Variants in RASAL1 observed in about 807,000 individuals in gnomAD.
The protein encoded by RASAL1 is rasGAP-activating-like protein 1.
In RASAL1, 72 loss-of-function variants were observed where a neutral mutation model predicts 96.6. That is an observed-to-expected ratio of 0.75 (90% confidence interval 0.62 to 0.91). The LOEUF is 0.91. Among genes scored for constraint, RASAL1 ranks in the 40% least tolerant of loss-of-function variants. The probability of loss-of-function intolerance (pLI) is 0.00; values close to 1 mark genes in which losing one functional copy is unlikely to be tolerated. For missense variants in RASAL1, 1,016 were observed against 1,072.5 expected (o/e 0.95, Z 0.74); for synonymous variants, 405 against 430.4 (o/e 0.94, Z 0.73).
Position 113,116,755 on chromosome 12 carries a change from G to A in RASAL1, c.731+318C>T, listed in dbSNP as rs79363987. ...GAAATGATATTGATGGGTATAAACA[G>A]GACAGGCAAGTGGAGATGGTATAAA... On this transcript the variant is annotated intron_variant, in intron 8 of 20. Coordinates refer to ENST00000548055, the MANE Select transcript of RASAL1 (RefSeq NM_001301202.2). 3.0e-3 allele frequency among the ~76,000 whole-genome samples: 458 copies of A among 152,308 alleles called. 2 individuals carry two copies. The highest frequency in any genetic ancestry group is 5.2e-3 in the South Asian group (25 of 4,818).
In RASAL1 at chr12:113,114,884, A is replaced by T. The variant is rs1303873612; in HGVS notation, c.1097T>A (p.Val366Asp). 1.2e-6 allele frequency: 2 copies of T among 1,613,812 alleles called. No individual in the cohort carries two copies. Among genetic ancestry groups the T allele is most frequent in the Admixed American group, 3.3e-5 (2 of 60,004 alleles). ...GACACGGCTAATCACAGGCTTCAGG[A>T]CCTCGTGCAGGTAGGGCATGCCCAC... is the stretch of plus-strand genomic sequence containing the variant. ...KLVGMPYLHEVLKPVISRVFE... is the reference protein window; with the variant it reads ...KLVGMPYLHEDLKPVISRVFE... The change falls in exon 12 of 21, where the codon GTC (valine) becomes GAC (aspartate). Residue 366 changes from valine (V) to aspartate (D), a missense_variant. Transcript: ENST00000548055.
Position 113,115,943 on chromosome 12 carries a change from C to A in RASAL1, c.840G>T (p.Gly280=). 6.2e-7 allele frequency: 1 copy of A among 1,601,618 alleles called. No homozygotes were observed. The highest frequency in any genetic ancestry group is 8.5e-7 in the Non-Finnish European group (1 of 1,173,418). The change falls in exon 9 of 21, where the codon GGG becomes GGT. Residue 280 remains glycine, a synonymous_variant. Transcript: ENST00000548055. This position sits in a 1 kb window ranked among gnomAD's most constrained non-coding sequence, Gnocchi z 4.1. The part of the protein sequence containing the change: ...LMELLMESVQ[G]PAEEDTASPL... ...TGCCTGACGCACCCACCTCTGCTGG[C>A]CCCTGCACAGACTCCATGAGCAGCT...
In RASAL1 at chr12:113,135,144, C is replaced by T. The variant is rs537913014; in HGVS notation, c.65+254G>A. 3.9e-5 allele frequency among the ~76,000 whole-genome samples: 6 copies of T among 152,242 alleles called. No individual in the cohort carries two copies. Among genetic ancestry groups the T allele is most frequent in the South Asian group, 2.1e-4 (1 of 4,826 alleles). Reference sequence around the variant, plus strand: ...TCTGGACGACCCCCTTTAGTACATCCCGGGAACAAAGACACCCCCTCCCCT... The same window carrying T: ...TCTGGACGACCCCCTTTAGTACATCTCGGGAACAAAGACACCCCCTCCCCT... On this transcript the variant is annotated intron_variant, in intron 1 of 20. Coordinates refer to ENST00000548055, the MANE Select transcript of RASAL1 (RefSeq NM_001301202.2). The surrounding 1 kb of genome is among the most constrained non-coding windows in gnomAD (Gnocchi z 5.7).
chr12:113,114,811 C>T lies in RASAL1; in HGVS notation c.1170G>A (p.Leu390=), dbSNP rs376206502. The T allele has an allele frequency of 1.2e-6, 2 of 1,613,816 alleles. No homozygotes were observed. The highest frequency in any genetic ancestry group is 2.7e-5 in the African/African-American group (2 of 74,912). ...YMELDPCKMD[L]GRTRRISFKG... The stretch of plus-strand genomic sequence containing the variant: ...CAGGCTTTGCTCACCGGGTGCGGCC[C>T]AGGTCCATCTTGCAGGGATCCAGCT... Residue 390 remains leucine, a synonymous_variant, in exon 12 of 21, where the codon CTG becomes CTA. Coordinates refer to ENST00000548055, the MANE Select transcript of RASAL1 (RefSeq NM_001301202.2).
At chr12:113,100,397 C>T (rs1032572969) in intron 20 of RASAL1, among the ~76,000 whole-genome samples, 5 of 152,162 alleles carry the variant, frequency 3.3e-5, no homozygotes, top group African/African-American at 9.7e-5. Flanking sequence ...CTCCTGGGCT[C>T]AAGCAATTCT....
chr12:113,134,976 G>C (rs781600656), intron 1 of RASAL1, among the ~76,000 whole-genome samples: 4 of 152,062 alleles, frequency 2.6e-5, no homozygotes, highest in Non-Finnish European at 5.9e-5. Context: ...CCTCTCCAAG[G>C]GTCCTCCCCA....
intron 1 of RASAL1, among the ~76,000 whole-genome samples, chr12:113,131,321 C>T (rs1951702567): frequency 6.6e-6 from 1 of 152,138 alleles, no homozygotes; most frequent in Non-Finnish European, 1.5e-5. Context: ...GTCCCCTTCC[C>T]TCTCTGGGCC....
At chr12:113,127,458 C>A (rs1219894197) in intron 4 of RASAL1, among the ~76,000 whole-genome samples, 1 of 151,998 alleles carries the variant, frequency 6.6e-6, no homozygotes, top group Non-Finnish European at 1.5e-5. Flanking sequence ...CCAGCTTGGG[C>A]AACATAGCAA....
intron 15 of RASAL1, 70 bp from the exon 16 acceptor site, chr12:113,105,956 A>G (rs2136116594): frequency 6.7e-7 from 1 of 1,483,922 alleles, no homozygotes; most frequent in South Asian, 1.2e-5. Context: ...CTCCACTAGC[A>G]TGCCCAGGGA....
chr12:113,116,092 G>A (rs766367991), intron 8 of RASAL1, 41 bp from the exon 9 acceptor site: 11 of 1,487,878 alleles, frequency 7.4e-6, no homozygotes, highest in Admixed American at 4.3e-5. Flanking sequence ...AGATCTGGCC[G>A]AACACGATGG....
Position 113,104,262 on chromosome 12 carries a change from C to G in RASAL1, c.1867G>C (p.Val623Leu). Reference protein sequence around the residue: ...HSIPVSHIRAVERVDEGAFQL... With the variant: ...HSIPVSHIRALERVDEGAFQL... ...AAGGCGCCCTCGTCTACGCGCTCCA[C>G]GGCGCGGATGTGAGACACGGGGATG... Residue 623 changes from valine to leucine, a missense_variant, in exon 17 of 21, where the codon GTG becomes CTG. Val to Leu is a conservative substitution (Grantham distance 32, BLOSUM62 1). Coordinates refer to ENST00000548055, the MANE Select transcript of RASAL1 (RefSeq NM_001301202.2). 1 of 1,589,844 alleles carries G rather than the reference C, an allele frequency of 6.3e-7. No individual in the cohort carries two copies. Among genetic ancestry groups the G allele is most frequent in the South Asian group, 1.1e-5 (1 of 87,848 alleles).
At chr12:113,103,187 T>A (rs118133147) in intron 18 of RASAL1, 16,866 of 151,086 alleles carry the variant, frequency 0.11, 1,122 homozygotes, top group Middle Eastern at 0.19. Flanking sequence ...ATATATTATT[T>A]TATATATATT....
In RASAL1 at chr12:113,100,635, T is replaced by C; in HGVS notation, c.2271A>G (p.Ala757=). The change falls in exon 20 of 21, where the codon GCA becomes GCG. Residue 757 remains alanine (A), a synonymous_variant. Coordinates refer to ENST00000548055, the MANE Select transcript of RASAL1 (RefSeq NM_001301202.2). ...EDSNMDTTLE[A]DTGACPEVLA... is the part of the protein sequence containing the mutation. ...AGGTACAGGAGCCCTTACCTGTGTC[T>C]GCCTCCAGAGTTGTATCCATGTTAG... 6.2e-7 allele frequency: 1 copy of C among 1,609,760 alleles called. No individual in the cohort carries two copies.
At chr12:113,126,210 G>A (rs1360668755) in intron 4 of RASAL1, among the ~76,000 whole-genome samples, 3 of 151,776 alleles carry the variant, frequency 2.0e-5, no homozygotes, top group African/African-American at 4.8e-5. Flanking sequence ...GCTTGAGCCC[G>A]GGAGGCAAAG....
intron 1 of RASAL1, among the ~76,000 whole-genome samples, chr12:113,133,533 A>G (rs1451714346): frequency 1.3e-5 from 2 of 152,220 alleles, no homozygotes; most frequent in African/African-American, 2.4e-5. Flanking sequence ...TTCTAATAGT[A>G]AAAACTCTAA....
intron 4 of RASAL1, among the ~76,000 whole-genome samples, chr12:113,123,187 T>C (rs1316589714): frequency 6.6e-6 from 1 of 152,262 alleles, no homozygotes; most frequent in African/African-American, 2.4e-5. Context: ...TTAAATCTGA[T>C]TCTTTTTAAA....
Position 113,107,174 on chromosome 12 carries a change from A to AG in RASAL1, c.1579dup (p.Leu527ProfsTer26), listed in dbSNP as rs1950677639. 4 of 1,613,830 alleles carry AG rather than the reference A, an allele frequency of 2.5e-6. No individual in the cohort carries two copies. The highest frequency in any genetic ancestry group is 2.2e-5 in the East Asian group (1 of 44,874). On this transcript the variant is annotated frameshift_variant, in exon 15 of 21. Coordinates refer to ENST00000548055, the MANE Select transcript of RASAL1 (RefSeq NM_001301202.2). LOFTEE classifies it high-confidence loss of function. ...GACACACTGCAGCAGGAAGGGGTGC[A>AG]GGGGGGCCATCCACAGTTCCTTGCC...
At chr12:113,122,437 C>T (rs889809175) in intron 4 of RASAL1, among the ~76,000 whole-genome samples, 2 of 152,206 alleles carry the variant, frequency 1.3e-5, no homozygotes, top group Non-Finnish European at 2.9e-5. Context: ...GATCCTCCTG[C>T]CTCAGCCTCC....
chr12:113,117,948 G>T (rs1041161738), intron 7 of RASAL1, among the ~76,000 whole-genome samples: 1 of 152,164 alleles, frequency 6.6e-6, no homozygotes, highest in Non-Finnish European at 1.5e-5. Flanking sequence ...ATGAAGGCTG[G>T]GTGGGTAGCT....
Sources: allele counts gnomAD v4.1 joint callset (sites outside exome capture counted in the v4.1 genomes callset), GRCh38; gene constraint gnomAD v4.1.1; non-coding constraint Gnocchi (gnomAD v3.1); transcripts MANE v1.5; gene names NCBI Gene and HGNC (gene_info 2026-07-23, HGNC 2026-07-21).